IL1RAPL2: variants seen among roughly 807,000 people sequenced by gnomAD.
IL1RAPL2 encodes X-linked interleukin-1 receptor accessory protein-like 2.
In IL1RAPL2, 3 loss-of-function variants were observed where a neutral mutation model predicts 44.1. The observed-to-expected ratio is 0.07, with a 90% CI of 0.03 to 0.18. IL1RAPL2 has a LOEUF of 0.18. Ranked by LOEUF, IL1RAPL2 falls within the 10% of genes least tolerant of loss-of-function variation. IL1RAPL2 has a pLI of 1.00. For missense variants in IL1RAPL2, 391 were observed against 496.4 expected, an observed-to-expected ratio of 0.79 and a Z score of 2.02; for synonymous variants, 181 against 178.8, an observed-to-expected ratio of 1.01 and a Z score of -0.10.
At chrX:104,679,453 G>A (rs1484738864) in intron 2 of IL1RAPL2, among the ~76,000 whole-genome samples, 4 of 111,929 alleles carry the variant, frequency 3.6e-5, no homozygotes, top group Non-Finnish European at 5.6e-5. Flanking sequence ...CAGGCTGTGC[G>A]GCTTAACTCT....
intron 1 of IL1RAPL2, among the ~76,000 whole-genome samples, chrX:104,654,045 G>A (rs775234232): frequency 1.0e-3 from 113 of 110,451 alleles, no homozygotes; most frequent in Middle Eastern, 9.2e-3. Flanking sequence ...AAAACTTAAA[G>A]ATAATTTCCC....
At position 105,072,897 on chromosome X, in the gene IL1RAPL2, C is replaced by T. The variant is rs193205829; in HGVS notation, c.83-122578C>T. Among the ~76,000 whole-genome samples the T allele has an allele frequency of 1.2e-4, 13 of 110,073 alleles. No individual in the cohort carries two copies. In the East Asian group the frequency reaches 3.2e-3, roughly 27 times the overall value. On this transcript the variant is annotated intron_variant, in intron 2 of 10. Coordinates refer to ENST00000372582, the MANE Select transcript of IL1RAPL2 (RefSeq NM_017416.2). The stretch of plus-strand genomic sequence containing the variant: ...TTCAGCTCCTACTTACGAGTGAGAA[C>T]ATGTGATGTTTGGTTTTCTGTTCTT...
chrX:105,467,496 A>G (rs191043717), intron 5 of IL1RAPL2, among the ~76,000 whole-genome samples: 2 of 111,863 alleles, frequency 1.8e-5, no homozygotes, highest in African/African-American at 3.2e-5. Context: ...ATTAGATTCT[A>G]CTACATATAA....
intron 2 of IL1RAPL2, among the ~76,000 whole-genome samples, chrX:105,073,633 A>G (rs1039093155): frequency 9.0e-6 from 1 of 111,468 alleles, no homozygotes; most frequent in African/African-American, 3.3e-5. Context: ...GACTTCCACA[A>G]TGGTTGAACT....
chrX:105,523,300 T>C (rs1266288837), intron 6 of IL1RAPL2, among the ~76,000 whole-genome samples: 2 of 111,736 alleles, frequency 1.8e-5, no homozygotes, highest in East Asian at 5.6e-4. Flanking sequence ...TTCCACCATT[T>C]ACTAGTTTTG....
intron 2 of IL1RAPL2, among the ~76,000 whole-genome samples, chrX:104,932,538 TA>T (rs1246117803): frequency 9.0e-6 from 1 of 111,547 alleles, no homozygotes; most frequent in African/African-American, 3.3e-5. Flanking sequence ...TTCTATTATA[TA>T]AAAGACTACA....
chrX:105,249,556 G>T (rs1156704362), intron 4 of IL1RAPL2, among the ~76,000 whole-genome samples: 4 of 111,384 alleles, frequency 3.6e-5, no homozygotes, highest in African/African-American at 1.3e-4. Context: ...CATTTTCTAT[G>T]ATGTGATTAT....
intron 2 of IL1RAPL2, among the ~76,000 whole-genome samples, chrX:104,697,859 A>G: frequency 8.9e-6 from 1 of 112,783 alleles, no homozygotes. Flanking sequence ...GTTTTAAACA[A>G]TATGTATTTG....
chrX:105,019,243 T>A (rs1472845903), intron 2 of IL1RAPL2, among the ~76,000 whole-genome samples: 2 of 111,870 alleles, frequency 1.8e-5, no homozygotes, highest in Non-Finnish European at 3.8e-5. Context: ...CAGAATATAT[T>A]TTTTCTTTTC....
intron 5 of IL1RAPL2, among the ~76,000 whole-genome samples, chrX:105,470,152 T>G (rs903424317): frequency 9.0e-6 from 1 of 111,416 alleles, no homozygotes; most frequent in Non-Finnish European, 1.9e-5. Flanking sequence ...TTGGAAGTTG[T>G]GACTTTAGGA....
intron 2 of IL1RAPL2, among the ~76,000 whole-genome samples, chrX:105,136,266 T>C (rs915206482): frequency 5.4e-5 from 6 of 112,018 alleles, no homozygotes; most frequent in Admixed American, 9.5e-5. Flanking sequence ...GGTTATATAT[T>C]TTTCTGCATC....
At chrX:105,422,610 A>G (rs1469525923) in intron 5 of IL1RAPL2, among the ~76,000 whole-genome samples, 2 of 112,303 alleles carry the variant, frequency 1.8e-5, no homozygotes, top group African/African-American at 6.5e-5. Context: ...TTTTGTTCAT[A>G]GAAGTATAAT....
At chrX:105,232,919 C>G (rs1292428659) in intron 3 of IL1RAPL2, among the ~76,000 whole-genome samples, 2 of 111,850 alleles carry the variant, frequency 1.8e-5, no homozygotes, top group African/African-American at 6.5e-5. Flanking sequence ...TCCCAACTGA[C>G]CAGACTCTAG....
At chrX:105,671,416 T>C (rs2060538233) in intron 6 of IL1RAPL2, among the ~76,000 whole-genome samples, 1 of 112,243 alleles carries the variant, frequency 8.9e-6, no homozygotes, top group Non-Finnish European at 1.9e-5. Flanking sequence ...ACATAGACAT[T>C]ATGTCATCTG....
intron 2 of IL1RAPL2, among the ~76,000 whole-genome samples, chrX:104,877,836 T>C (rs1012008568): frequency 9.0e-6 from 1 of 111,461 alleles, no homozygotes; most frequent in African/African-American, 3.3e-5. Flanking sequence ...CTGGAAGAGA[T>C]GGCAAACAAG....
intron 5 of IL1RAPL2, among the ~76,000 whole-genome samples, chrX:105,404,111 A>G (rs1221290713): frequency 9.0e-6 from 1 of 111,618 alleles, no homozygotes; most frequent in East Asian, 2.8e-4. Flanking sequence ...CTGTCCCTCA[A>G]CTAGTCTTAG....
At chrX:105,027,232 T>C (rs116802624) in intron 2 of IL1RAPL2, among the ~76,000 whole-genome samples, 2,168 of 111,431 alleles carry the variant, frequency 0.019, 52 homozygotes, top group African/African-American at 0.066. Context: ...CAAGAAAACA[T>C]TGGAGAAAAT....
At chrX:105,629,221 T>C (rs2037475754) in intron 6 of IL1RAPL2, among the ~76,000 whole-genome samples, 1 of 111,646 alleles carries the variant, frequency 9.0e-6, no homozygotes, top group Non-Finnish European at 1.9e-5. Context: ...AGGTTCCCTG[T>C]TGCCAGGTCT....
At chrX:105,678,017 C>T (rs751822110) in intron 6 of IL1RAPL2, among the ~76,000 whole-genome samples, 6 of 111,848 alleles carry the variant, frequency 5.4e-5, no homozygotes, top group African/African-American at 1.9e-4. Context: ...AGCTCCAATT[C>T]TTTGCCTGAT....
Sources: allele counts gnomAD v4.1 joint callset (sites outside exome capture counted in the v4.1 genomes callset), GRCh38; gene constraint gnomAD v4.1.1; transcripts MANE v1.5; gene names NCBI Gene and HGNC (gene_info 2026-07-23, HGNC 2026-07-21).